CATSPERT: variants seen among roughly 807,000 people sequenced by gnomAD.
CATSPERT encodes the protein cation channel sperm-associated targeting subunit tau.
At chr2:201,575,328 T>TA in the CATSPERT span, 1 of 1,587,178 alleles carries the variant, frequency 6.3e-7, no homozygotes, top group Non-Finnish European at 8.6e-7. Context: ...GCACCCTTTC[T>TA]AGAAAAAAAA....
the CATSPERT span, among the ~76,000 whole-genome samples, chr2:201,576,262 TAA>T: frequency 6.6e-6 from 1 of 152,278 alleles, no homozygotes; most frequent in South Asian, 2.1e-4. Flanking sequence ...AATAAAAAAA[TAA>T]AGACTATGTT....
chr2:201,509,157 C>T, the CATSPERT span, among the ~76,000 whole-genome samples: 5 of 150,828 alleles, frequency 3.3e-5, no homozygotes, highest in Admixed American at 1.3e-4. Context: ...CTCACCAACA[C>T]GTTATTTTCT....
the CATSPERT span, among the ~76,000 whole-genome samples, chr2:201,513,494 G>A: frequency 5.1e-4 from 78 of 152,288 alleles, no homozygotes; most frequent in African/African-American, 1.9e-3. Context: ...ATGTAAATTA[G>A]TTCAGCCGCT....
At chr2:201,601,461 G>GAGATAAAT in the CATSPERT span, among the ~76,000 whole-genome samples, 1 of 152,088 alleles carries the variant, frequency 6.6e-6, no homozygotes, top group Admixed American at 6.5e-5. Context: ...GAGCAAGATA[G>GAGATAAAT]AGATAAATAC....
At chr2:201,618,982 G>A in the CATSPERT span, 1 of 1,614,018 alleles carries the variant, frequency 6.2e-7, no homozygotes, top group South Asian at 1.1e-5. Flanking sequence ...GTAAGGGACC[G>A]AAGAAGCCTC....
At chr2:201,543,173 G>A in the CATSPERT span, among the ~76,000 whole-genome samples, 1 of 152,026 alleles carries the variant, frequency 6.6e-6, no homozygotes, top group African/African-American at 2.4e-5. Context: ...CATTTGCATG[G>A]GTTTATTTCT....
At chr2:201,537,480 C>G in the CATSPERT span, 1 of 1,585,182 alleles carries the variant, frequency 6.3e-7, no homozygotes, top group East Asian at 2.3e-5. Flanking sequence ...AGAGGGATAT[C>G]TGCTTAAACA....
chr2:201,566,781 C>A, the CATSPERT span, among the ~76,000 whole-genome samples: 2 of 152,208 alleles, frequency 1.3e-5, no homozygotes, highest in Admixed American at 1.3e-4. Flanking sequence ...AATCACCACA[C>A]TGTCTTCCAC....
the CATSPERT span, among the ~76,000 whole-genome samples, chr2:201,574,865 GAAATT>G: frequency 5.9e-5 from 9 of 152,012 alleles, no homozygotes; most frequent in Admixed American, 5.9e-4. Flanking sequence ...CACTTAAAAA[GAAATT>G]AAATTAAGAA....
chr2:201,511,720 A>AC, the CATSPERT span: 1 of 151,842 alleles, frequency 6.6e-6, no homozygotes, highest in Non-Finnish European at 1.5e-5. Flanking sequence ...CTATTGAAAG[A>AC]CTGTCACCTG....
the CATSPERT span, among the ~76,000 whole-genome samples, chr2:201,588,946 G>A: frequency 6.6e-6 from 1 of 152,044 alleles, no homozygotes; most frequent in Non-Finnish European, 1.5e-5. Context: ...AAAATCACTA[G>A]CATTCCTATA....
At chr2:201,489,752 A>G in the CATSPERT span, among the ~76,000 whole-genome samples, 1 of 152,170 alleles carries the variant, frequency 6.6e-6, no homozygotes, top group Non-Finnish European at 1.5e-5. Flanking sequence ...TATGCATACT[A>G]TAGGGAAGAC....
the CATSPERT span, among the ~76,000 whole-genome samples, chr2:201,572,248 T>C: frequency 6.6e-6 from 1 of 152,188 alleles, no homozygotes; most frequent in African/African-American, 2.4e-5. Flanking sequence ...TAATCTTATT[T>C]AACCATCTCA....
the CATSPERT span, among the ~76,000 whole-genome samples, chr2:201,540,335 T>C: frequency 6.6e-6 from 1 of 152,228 alleles, no homozygotes; most frequent in Non-Finnish European, 1.5e-5. Context: ...AGTCTTATAC[T>C]GAAAGAAGGT....
chr2:201,552,476 C>T, the CATSPERT span, among the ~76,000 whole-genome samples: 4 of 152,160 alleles, frequency 2.6e-5, no homozygotes, highest in African/African-American at 9.7e-5. Flanking sequence ...AGCATAAGGA[C>T]TATTGTTAAA....
At chr2:201,547,505 C>A in the CATSPERT span, 1 of 1,482,856 alleles carries the variant, frequency 6.7e-7, no homozygotes, top group Non-Finnish European at 9.3e-7. Context: ...TGTCAATTAC[C>A]TCAGAATCCT....
chr2:201,536,827 C>T, the CATSPERT span, among the ~76,000 whole-genome samples: 3 of 151,840 alleles, frequency 2.0e-5, no homozygotes, highest in Non-Finnish European at 2.9e-5. Flanking sequence ...TTCTTTTACT[C>T]TCCTTGAACT....
chr2:201,588,969 G>A, the CATSPERT span, among the ~76,000 whole-genome samples: 6 of 148,812 alleles, frequency 4.0e-5, no homozygotes, highest in African/African-American at 7.3e-5. Flanking sequence ...CCAACAACAA[G>A]CCAAGAACTG....
At chr2:201,574,903 G>A in the CATSPERT span, among the ~76,000 whole-genome samples, 3 of 152,140 alleles carry the variant, frequency 2.0e-5, no homozygotes, top group East Asian at 3.9e-4. Flanking sequence ...CTTTAGAAAC[G>A]CTCCAGAGAG....
Sources: gnomAD v4.1 joint callset for allele counts (sites outside exome capture counted in the v4.1 genomes callset) on GRCh38, gnomAD v4.1.1 for gene constraint, MANE v1.5 for transcripts, NCBI Gene and HGNC (gene_info 2026-07-23, HGNC 2026-07-21) for gene names.